The following PCDH15 variants were observed in gnomAD, a reference collection of about 807,000 sequenced individuals.
The protein encoded by PCDH15 is protocadherin related 15, also known as protocadherin-15.
PCDH15 carries 129 observed loss-of-function variants against 178.5 expected under a neutral mutation model. That is an observed-to-expected ratio of 0.72 (90% CI 0.63 to 0.84). PCDH15 has a LOEUF of 0.84. Ranked by LOEUF, PCDH15 falls within the 40% of genes least tolerant of loss-of-function variation. PCDH15 has a pLI of 0.00. For missense variants in PCDH15, 2,230 were observed against 2,099.9 expected (o/e 1.06, Z -1.21); for synonymous variants, 800 against 732.0 (o/e 1.09, Z -1.50).
At chr10:55,163,667 C>T (rs570000971) in intron 2 of PCDH15, among the ~76,000 whole-genome samples, 1 of 152,190 alleles carries the variant, frequency 6.6e-6, no homozygotes, top group African/African-American at 2.4e-5. Context: ...AAGAAAGTCA[C>T]CTCTGGTCAT....
intron 2 of PCDH15, among the ~76,000 whole-genome samples, chr10:55,421,055 C>A (rs964946660): frequency 8.0e-5 from 12 of 150,878 alleles, no homozygotes; most frequent in Non-Finnish European, 1.6e-4. Context: ...GAAGGAAATT[C>A]TAAGACTGGC....
At chr10:54,301,783 AG>A (rs1209695460) in intron 8 of PCDH15, among the ~76,000 whole-genome samples, 5 of 152,198 alleles carry the variant, frequency 3.3e-5, no homozygotes, top group Admixed American at 2.6e-4. Flanking sequence ...GTGGGGATGA[AG>A]GTAATTGAGA....
chr10:55,372,946 G>A (rs1012082815), intron 2 of PCDH15, among the ~76,000 whole-genome samples: 1 of 152,056 alleles, frequency 6.6e-6, no homozygotes, highest in African/African-American at 2.4e-5. Context: ...AATAAATGCA[G>A]CTAATTTAAT....
At chr10:55,426,046 A>G (rs1838746799) in intron 2 of PCDH15, among the ~76,000 whole-genome samples, 1 of 152,222 alleles carries the variant, frequency 6.6e-6, no homozygotes. Flanking sequence ...GGTAAGAACA[A>G]TTCACTTTTT....
chr10:53,905,282 A>G (rs1248445370), intron 25 of PCDH15: 2 of 508,838 alleles, frequency 3.9e-6, no homozygotes, highest in Non-Finnish European at 7.8e-6. Flanking sequence ...AAATACAAAT[A>G]GGATACATTA....
intron 13 of PCDH15, 147 bp downstream of exon 13, chr10:54,183,297 G>T (rs2048175306): frequency 1.4e-5 from 12 of 839,214 alleles, no homozygotes; most frequent in Non-Finnish European, 2.3e-5. Context: ...AAAAGTAACA[G>T]AAATTTAAAG....
At chr10:55,029,242 G>T (rs1840551285) in intron 2 of PCDH15, among the ~76,000 whole-genome samples, 1 of 151,828 alleles carries the variant, frequency 6.6e-6, no homozygotes, top group Non-Finnish European at 1.5e-5. Flanking sequence ...AGAATGTTAG[G>T]TTGTTCCCTT....
Position 55,190,827 on chromosome 10 carries a change from T to A in PCDH15, c.-155-24176A>T, listed in dbSNP as rs1839927671. 5.9e-5 allele frequency among the ~76,000 whole-genome samples: 9 copies of A among 151,800 alleles called. No homozygotes were observed. The South Asian group carries it at 1.9e-3, about 32-fold the overall frequency. On this transcript the variant is annotated intron_variant, in intron 1 of 5. Coordinates refer to the PCDH15 transcript ENST00000458638. ...CTCATTTAGTGCACAAAACATAAGA[T>A]TTGACATGGTAGATATAATAGGCAT...
chr10:54,846,193 TA>T (rs1227664603), intron 3 of PCDH15, among the ~76,000 whole-genome samples: 7 of 152,138 alleles, frequency 4.6e-5, no homozygotes, highest in African/African-American at 1.7e-4. Flanking sequence ...TATTGGAAAA[TA>T]ATGTTTCAAT....
intron 2 of PCDH15, among the ~76,000 whole-genome samples, chr10:55,048,562 T>G (rs576667772): frequency 1.3e-5 from 2 of 152,048 alleles, no homozygotes; most frequent in South Asian, 4.1e-4. Context: ...CTTAATTGCA[T>G]CTTGTGAACT....
intron 2 of PCDH15, among the ~76,000 whole-genome samples, chr10:55,093,042 C>T (rs905200230): frequency 7.9e-5 from 12 of 151,944 alleles, no homozygotes; most frequent in African/African-American, 2.7e-4. Context: ...TGAAGATGAA[C>T]TGTGGTACCA....
intron 2 of PCDH15, among the ~76,000 whole-genome samples, chr10:54,541,346 T>G (rs1006883089): frequency 3.3e-5 from 5 of 152,208 alleles, no homozygotes; most frequent in Admixed American, 1.3e-4. Context: ...ACATTTTTGA[T>G]GTGCATTTAA....
intron 8 of PCDH15, among the ~76,000 whole-genome samples, chr10:54,308,614 C>T (rs912749674): frequency 1.3e-5 from 2 of 152,010 alleles, no homozygotes; most frequent in African/African-American, 4.8e-5. Flanking sequence ...GATTCCTTTG[C>T]TTTCATATTA....
chr10:55,608,671 G>A (rs1312134777), intron 2 of PCDH15, among the ~76,000 whole-genome samples: 1 of 151,922 alleles, frequency 6.6e-6, no homozygotes, highest in East Asian at 2.0e-4. Flanking sequence ...ATCAGGTGCT[G>A]CAGCCGAGGA....
At chr10:54,796,722 C>G (rs1202888101) in intron 1 of PCDH15, among the ~76,000 whole-genome samples, 1 of 151,544 alleles carries the variant, frequency 6.6e-6, no homozygotes, top group East Asian at 1.9e-4. Context: ...TGTGACTATC[C>G]CTGTATCTCT....
chr10:54,819,186 T>C (rs1039832538), intron 3 of PCDH15, among the ~76,000 whole-genome samples: 2 of 151,520 alleles, frequency 1.3e-5, no homozygotes, highest in African/African-American at 4.9e-5. Flanking sequence ...ATATACCTCA[T>C]TTTGGACATG....
At chr10:55,376,682 T>A (rs1837401601) in intron 2 of PCDH15, among the ~76,000 whole-genome samples, 1 of 152,130 alleles carries the variant, frequency 6.6e-6, no homozygotes, top group South Asian at 2.1e-4. Flanking sequence ...GCTTCAAGAT[T>A]GCAAATTAGT....
intron 29 of PCDH15, among the ~76,000 whole-genome samples, chr10:53,833,548 G>A (rs950603188): frequency 6.6e-6 from 1 of 151,966 alleles, no homozygotes; most frequent in Non-Finnish European, 1.5e-5. Flanking sequence ...AATGAGATAT[G>A]CAGGGCTTAC....
At chr10:54,173,261 G>T (rs1305482091) in intron 13 of PCDH15, among the ~76,000 whole-genome samples, 1 of 152,094 alleles carries the variant, frequency 6.6e-6, no homozygotes, top group East Asian at 1.9e-4. Context: ...AATTACTTAA[G>T]GTCATAAACT....
Sources: allele counts gnomAD v4.1 joint callset (sites outside exome capture counted in the v4.1 genomes callset), GRCh38; gene constraint gnomAD v4.1.1; transcripts MANE v1.5; gene names NCBI Gene and HGNC (gene_info 2026-07-23, HGNC 2026-07-21).